The following SOCS5 variants were observed in gnomAD, a reference collection of about 807,000 sequenced individuals.
SOCS5 encodes CIS-6.
In SOCS5, 32 loss-of-function variants were observed where a neutral mutation model predicts 42.8. That is an observed-to-expected ratio of 0.75 (90% CI 0.56 to 1.01). The LOEUF (loss-of-function observed/expected upper bound fraction) is 1.01. Ranked by LOEUF, SOCS5 falls within the 50% of genes least tolerant of loss-of-function variation. The pLI, the probability that SOCS5 is intolerant of heterozygous loss-of-function variation, is 0.00. For missense variants in SOCS5, 627 were observed against 653.0 expected, an observed-to-expected ratio of 0.96 and a Z score of 0.43; for synonymous variants, 283 against 229.6, an observed-to-expected ratio of 1.23 and a Z score of -2.10.
chr2:46,722,590 A>G (rs1251119607), intron 1 of SOCS5, among the ~76,000 whole-genome samples: 1 of 152,178 alleles, frequency 6.6e-6, no homozygotes, highest in Non-Finnish European at 1.5e-5. Context: ...GTTGAAGGAC[A>G]TATGGGTTAT....
At chr2:46,719,549 T>C (rs1009020570) in intron 1 of SOCS5, among the ~76,000 whole-genome samples, 3 of 152,196 alleles carry the variant, frequency 2.0e-5, no homozygotes, top group Non-Finnish European at 4.4e-5. Flanking sequence ...GGTGTGGATG[T>C]CCTTATGTTA....
intron 1 of SOCS5, among the ~76,000 whole-genome samples, chr2:46,717,658 G>T (rs1260878679): frequency 1.3e-5 from 2 of 151,778 alleles, no homozygotes; most frequent in African/African-American, 4.8e-5. Context: ...TCATCCCACT[G>T]CTCTAAAGAT....
At chr2:46,754,269 C>G (rs567240364) in intron 1 of SOCS5, among the ~76,000 whole-genome samples, 1 of 152,140 alleles carries the variant, frequency 6.6e-6, no homozygotes, top group Non-Finnish European at 1.5e-5. Flanking sequence ...TTAAGTAGAA[C>G]AAGAATTTAG....
At chr2:46,703,725 A>T (rs1439971939) in intron 1 of SOCS5, among the ~76,000 whole-genome samples, 1 of 152,212 alleles carries the variant, frequency 6.6e-6, no homozygotes, top group Non-Finnish European at 1.5e-5. Flanking sequence ...TGTAGACTGT[A>T]CAAATTACTT....
intron 1 of SOCS5, among the ~76,000 whole-genome samples, chr2:46,709,061 A>G (rs1352067416): frequency 6.6e-6 from 1 of 151,628 alleles, no homozygotes; most frequent in Non-Finnish European, 1.5e-5. Context: ...TAATTTTTGT[A>G]TTTTTAGTAG....
At chr2:46,718,700 T>C (rs144839173) in intron 1 of SOCS5, among the ~76,000 whole-genome samples, 2,011 of 152,266 alleles carry the variant, frequency 0.013, 20 homozygotes, top group Non-Finnish European at 0.019. Flanking sequence ...CCAGAGATAA[T>C]ACTTTCTAAA....
intron 1 of SOCS5, among the ~76,000 whole-genome samples, chr2:46,741,189 C>A (rs1465514355): frequency 5.3e-5 from 8 of 152,080 alleles, no homozygotes; most frequent in Admixed American, 5.2e-4. Context: ...TTGCATATAT[C>A]TTTGAGTTTA....
chr2:46,716,332 A>G (rs1364918313), intron 1 of SOCS5, among the ~76,000 whole-genome samples: 4 of 98,940 alleles, frequency 4.0e-5, no homozygotes, highest in East Asian at 3.2e-4. Flanking sequence ...TAGGCCTGGT[A>G]ATTTTTAATG....
intron 1 of SOCS5, among the ~76,000 whole-genome samples, chr2:46,724,467 T>G (rs540991325): frequency 5.8e-4 from 88 of 152,116 alleles, no homozygotes; most frequent in African/African-American, 2.1e-3. Context: ...AGGTGGACAG[T>G]TAGATTACTG....
At chr2:46,707,207 G>A (rs1672516426) in intron 1 of SOCS5, among the ~76,000 whole-genome samples, 1 of 152,058 alleles carries the variant, frequency 6.6e-6, no homozygotes, top group Non-Finnish European at 1.5e-5. Context: ...TCAAAAGGTG[G>A]GTATTACATC....
At chr2:46,735,457 G>A (rs148705462) in intron 1 of SOCS5, among the ~76,000 whole-genome samples, 44 of 152,244 alleles carry the variant, frequency 2.9e-4, no homozygotes, top group African/African-American at 1.0e-3. Context: ...GAAGAAAAGA[G>A]AACAGGTATG....
chr2:46,761,872 A>G lies in SOCS5; in HGVS notation c.*1731A>G, dbSNP rs1192715609. The stretch of plus-strand genomic sequence containing the variant: ...AGGTTATAACAGAAAACTGACAGAG[A>G]AGTAATAAACCTATTGATTTCTCTG... On this transcript the variant is annotated 3_prime_UTR_variant, in exon 2 of 2. Coordinates refer to ENST00000394861, the MANE Select transcript of SOCS5 (RefSeq NM_144949.3). 1.8e-5 allele frequency: 3 copies of G among 166,968 alleles called. No homozygotes were observed. The highest frequency in any genetic ancestry group is 4.4e-5 in the Non-Finnish European group (3 of 68,084). The allele number at this position is 166,968 out of a possible 1,614,324, so 10.3% of individuals were successfully genotyped here. A position where few individuals can be genotyped will look rare whatever the true frequency, so the allele number is the denominator to read the frequency against.
chr2:46,721,919 A>G (rs1156928324), intron 1 of SOCS5, among the ~76,000 whole-genome samples: 1 of 152,240 alleles, frequency 6.6e-6, no homozygotes, highest in Non-Finnish European at 1.5e-5. Flanking sequence ...GGTGAAAAAA[A>G]TATGGATAGA....
chr2:46,700,142 T>C (rs1370758009), intron 1 of SOCS5, among the ~76,000 whole-genome samples: 6 of 152,080 alleles, frequency 3.9e-5, no homozygotes, highest in African/African-American at 1.4e-4. Flanking sequence ...GGAGAGGGAA[T>C]TGCATTTAAA....
At chr2:46,735,647 G>C (rs1259348743) in intron 1 of SOCS5, among the ~76,000 whole-genome samples, 5 of 151,974 alleles carry the variant, frequency 3.3e-5, no homozygotes, top group Admixed American at 6.5e-5. Context: ...TTTACATAAA[G>C]CTTAGCACAT....
At chr2:46,745,711 T>C (rs1007005129) in intron 1 of SOCS5, among the ~76,000 whole-genome samples, 26 of 152,216 alleles carry the variant, frequency 1.7e-4, no homozygotes, top group Non-Finnish European at 5.9e-5. Context: ...GAGGGTTGTT[T>C]ATCCTCTTTA....
chr2:46,727,141 CTTCTTTTTTTTTTT>C (rs1673015029), intron 1 of SOCS5, among the ~76,000 whole-genome samples: 1 of 127,650 alleles, frequency 7.8e-6, no homozygotes, highest in South Asian at 2.4e-4. Context: ...TTGTTGGAGC[CTTCTTTTTTTTTTT>C]TTTTTTTTTT....
chr2:46,712,145 C>T (rs1254109396), intron 1 of SOCS5, among the ~76,000 whole-genome samples: 6 of 152,062 alleles, frequency 3.9e-5, no homozygotes, highest in Admixed American at 1.3e-4. Flanking sequence ...GCATTTGAAT[C>T]TATGAATTGG....
In SOCS5 at chr2:46,704,603, A is replaced by G. The variant is rs142880056; in HGVS notation, c.-13+5154A>G. On this transcript the variant is annotated intron_variant, in intron 1 of 1. Transcript: ENST00000394861. ...TGTAATACTATTATGTACTGTATAC[A>G]GTTTGCTTTTCGGTGGTGGTTCCTG... Among the ~76,000 whole-genome samples, 473 of 152,252 alleles carry G rather than the reference A, an allele frequency of 3.1e-3. 3 individuals carry two copies. The highest frequency in any genetic ancestry group is 0.011 in the African/African-American group (453 of 41,544).
Sources: gnomAD v4.1 joint callset for allele counts (sites outside exome capture counted in the v4.1 genomes callset) on GRCh38, gnomAD v4.1.1 for gene constraint, MANE v1.5 for transcripts, NCBI Gene and HGNC (gene_info 2026-07-23, HGNC 2026-07-21) for gene names.